The following SPRED2 variants were observed in gnomAD, a reference collection of about 807,000 sequenced individuals.
SPRED2 encodes sprouty related EVH1 domain containing 2.
Under a neutral mutation model 43.0 loss-of-function variants are expected in SPRED2, and 47 were observed. That is an observed-to-expected ratio of 1.09 (90% CI 0.87 to 1.40). The LOEUF (loss-of-function observed/expected upper bound fraction) is 1.40. Ranked by LOEUF, SPRED2 falls within the 40% of genes most tolerant of loss-of-function variation. SPRED2 has a pLI of 0.00. For missense variants in SPRED2, 561 were observed against 586.4 expected (o/e 0.96, Z 0.45); for synonymous variants, 225 against 225.7 (o/e 1.00, Z 0.03).
Position 65,401,937 on chromosome 2 carries a change from G to GTGCGCGCGCGCACA in SPRED2, c.26+30024_26+30025insTGTGCGCGCGCGCA, listed in dbSNP as rs1553426614. On this transcript the variant is annotated intron_variant, in intron 1 of 5. Transcript: ENST00000356388. ...ACGATCAGAATATTAGCGCGCGCGCGCACACACACACACACACACACACAC... is the reference window on the plus strand; with the variant it reads ...ACGATCAGAATATTAGCGCGCGCGCGTGCGCGCGCGCACACACACACACACACACACACACACAC... Among the ~76,000 whole-genome samples, 221 of 114,746 alleles carry GTGCGCGCGCGCACA rather than the reference G, an allele frequency of 1.9e-3. 1 individual carries two copies. Among genetic ancestry groups the GTGCGCGCGCGCACA allele is most frequent in the African/African-American group, 6.7e-3 (198 of 29,618 alleles). 75.3% of individuals were successfully genotyped at this position (114,746 alleles called of 152,430 possible).
chr2:65,421,430 T>C (rs1237645391), intron 1 of SPRED2, among the ~76,000 whole-genome samples: 2 of 152,216 alleles, frequency 1.3e-5, no homozygotes, highest in East Asian at 1.9e-4. Context: ...GGGGAGTTTG[T>C]TAAGAATGCA....
intron 2 of SPRED2, among the ~76,000 whole-genome samples, chr2:65,339,529 A>G (rs1315449131): frequency 4.0e-5 from 6 of 150,736 alleles, no homozygotes; most frequent in African/African-American, 7.3e-5. Flanking sequence ...TGAAGGCAGC[A>G]TGCTCGTTAA....
Position 65,311,365 on chromosome 2 carries a change from A to G in SPRED2, c.*2136T>C. 4 of 985,894 alleles carry G rather than the reference A, an allele frequency of 4.1e-6. No homozygotes were observed. Among genetic ancestry groups the G allele is most frequent in the Non-Finnish European group, 4.8e-6 (4 of 829,938 alleles). The allele number at this position is 985,894 out of a possible 1,614,324, so 61.1% of individuals were successfully genotyped here. On this transcript the variant is annotated 3_prime_UTR_variant, in exon 6 of 6. Coordinates refer to ENST00000356388, the MANE Select transcript of SPRED2 (RefSeq NM_181784.3). ...TAAGATCTGCTAGCGTAACTCTTAA[A>G]AGGGTGGAAAAGGACAAGGGGTGAA...
intron 1 of SPRED2, among the ~76,000 whole-genome samples, chr2:65,415,346 G>A (rs1227447034): frequency 1.3e-5 from 2 of 151,934 alleles, no homozygotes; most frequent in East Asian, 1.9e-4. Context: ...AGAGACATCT[G>A]TTTTAAGTCA....
chr2:65,314,151 G>C lies in SPRED2; in HGVS notation c.607C>G (p.Arg203Gly). ...TCGTCGTCCGGGAAGCTCACCTGGCGGTAGGGCCTTGGCATCGGCTGTCCC... is the reference window on the plus strand; with the variant it reads ...TCGTCGTCCGGGAAGCTCACCTGGCCGTAGGGCCTTGGCATCGGCTGTCCC... ...HLDQPMPRPY[R>G]QVSFPDDDEE... Residue 203 changes from arginine to glycine, a missense_variant, in exon 6 of 6, where the codon CGC (arginine) becomes GGC (glycine). Around this residue, in one of 6 missense-constraint regions of SPRED2, gnomAD observed 305 missense variants for 282.4 expected, o/e 1.08. Transcript: ENST00000356388. The C allele has an allele frequency of 1.3e-6, 2 of 1,597,462 alleles. No homozygotes were observed. Among genetic ancestry groups the C allele is most frequent in the Non-Finnish European group, 1.7e-6 (2 of 1,166,768 alleles).
chr2:65,362,122 G>T (rs1399101606), intron 1 of SPRED2, among the ~76,000 whole-genome samples: 5 of 152,196 alleles, frequency 3.3e-5, no homozygotes, highest in African/African-American at 1.2e-4. Flanking sequence ...TGAACTCTAT[G>T]AAGATGATGC....
At chr2:65,320,225 AT>A (rs1329580343) in intron 4 of SPRED2, among the ~76,000 whole-genome samples, 1 of 152,210 alleles carries the variant, frequency 6.6e-6, no homozygotes, top group Non-Finnish European at 1.5e-5. Context: ...TGTGTTGAAC[AT>A]TGTAATAAGC....
At position 65,381,254 on chromosome 2, in the gene SPRED2, T is replaced by C. The variant is rs184106320; in HGVS notation, c.27-36358A>G. On this transcript the variant is annotated intron_variant, in intron 1 of 5. Coordinates refer to ENST00000356388, the MANE Select transcript of SPRED2 (RefSeq NM_181784.3). ...AATTTAACCCTCCCTTGGTGTTGTG[T>C]CCCAGCCTGCACCAGCAGATGTCTT... is the stretch of plus-strand genomic sequence containing the variant. Among the ~76,000 whole-genome samples the C allele has an allele frequency of 5.6e-3, 851 of 152,342 alleles. 5 individuals carry two copies. Among genetic ancestry groups the C allele is most frequent in the Non-Finnish European group, 9.3e-3 (632 of 68,020 alleles).
At position 65,314,116 on chromosome 2, in the gene SPRED2, G is replaced by T. The variant is rs151327457; in HGVS notation, c.642C>A (p.Ile214=). ...TCTTCTCCCGGGGGTTGATGCGCAC[G>T]ATCTCCTCGTCGTCGTCCGGGAAGC... is the stretch of plus-strand genomic sequence containing the variant. ...QVSFPDDDEE[I]VRINPREKIW... is the part of the protein sequence containing the mutation. The change falls in exon 6 of 6, where the codon ATC becomes ATA. Residue 214 remains isoleucine (I), a synonymous_variant. Transcript: ENST00000356388. 53 of 1,609,976 alleles carry T rather than the reference G, an allele frequency of 3.3e-5. No homozygotes were observed. The highest frequency in any genetic ancestry group is 4.4e-5 in the South Asian group (4 of 91,014).
At chr2:65,394,823 A>T (rs2103698579) in intron 1 of SPRED2, among the ~76,000 whole-genome samples, 1 of 152,308 alleles carries the variant, frequency 6.6e-6, no homozygotes, top group Admixed American at 6.5e-5. Flanking sequence ...GCTGGCTAAA[A>T]GGCTTTTTCA....
At chr2:65,308,199 A>C (rs936334541), downstream of SPRED2, 2 of 645,060 alleles carry the variant, frequency 3.1e-6, no homozygotes, top group African/African-American at 4.0e-5. Flanking sequence ...AGGCCAGAGA[A>C]GCGGGGTGGG....
chr2:65,374,204 G>A (rs920928582), intron 1 of SPRED2: 1 of 152,100 alleles, frequency 6.6e-6, no homozygotes. Flanking sequence ...TTCCCAGAGG[G>A]GCAAATAAAT....
chr2:65,396,566 A>G (rs895574609), intron 1 of SPRED2, among the ~76,000 whole-genome samples: 9 of 152,230 alleles, frequency 5.9e-5, no homozygotes, highest in Admixed American at 2.6e-4. Context: ...GGCAAGAGGG[A>G]GTTCCAAGCT....
intron 1 of SPRED2, among the ~76,000 whole-genome samples, chr2:65,347,642 C>G (rs1189401894): frequency 6.6e-6 from 1 of 152,180 alleles, no homozygotes; most frequent in Non-Finnish European, 1.5e-5. Flanking sequence ...CTAGGGCCAA[C>G]TTCCTCCACT....
intron 1 of SPRED2, among the ~76,000 whole-genome samples, chr2:65,360,002 T>A (rs1393844142): frequency 2.1e-5 from 3 of 141,988 alleles, no homozygotes; most frequent in Non-Finnish European, 3.0e-5. Context: ...GAGGCGGAGG[T>A]TGCAGTGAGC....
chr2:65,386,226 A>C (rs1675495981), intron 1 of SPRED2, among the ~76,000 whole-genome samples: 1 of 138,840 alleles, frequency 7.2e-6, no homozygotes, highest in Non-Finnish European at 1.5e-5. Flanking sequence ...TGGAGGTTGC[A>C]GGGAGCCGAG....
chr2:65,328,460 A>C (rs930994927), intron 4 of SPRED2, among the ~76,000 whole-genome samples: 27 of 152,154 alleles, frequency 1.8e-4, no homozygotes, highest in Non-Finnish European at 3.7e-4. Context: ...AGGACAAGTC[A>C]CTTCATCTCG....
At chr2:65,364,048 A>G (rs978264987) in intron 1 of SPRED2, among the ~76,000 whole-genome samples, 1 of 152,224 alleles carries the variant, frequency 6.6e-6, no homozygotes, top group Non-Finnish European at 1.5e-5. Flanking sequence ...CTCAGAAGAC[A>G]TGGCCACCAA....
At chr2:65,327,847 C>T (rs1051080521) in intron 4 of SPRED2, among the ~76,000 whole-genome samples, 21 of 151,228 alleles carry the variant, frequency 1.4e-4, no homozygotes, top group African/African-American at 4.1e-4. Context: ...CCTCAGCCTC[C>T]GGAGTAGCTG....
Sources: allele counts gnomAD v4.1 joint callset (sites outside exome capture counted in the v4.1 genomes callset), GRCh38; gene constraint gnomAD v4.1.1; regional missense constraint gnomAD v4.1.1; transcripts MANE v1.5; gene names NCBI Gene and HGNC (gene_info 2026-07-23, HGNC 2026-07-21).